The following INTS9 variants were observed in gnomAD, a reference collection of about 807,000 sequenced individuals.
INTS9 encodes protein related to CPSF subunits of 74 kDa.
In INTS9, 55 loss-of-function variants were observed where a neutral mutation model predicts 79.7. The observed-to-expected ratio is 0.69, with a 90% CI of 0.56 to 0.86. INTS9 has a LOEUF of 0.86. Among genes scored for constraint, INTS9 ranks in the 40% least tolerant of loss-of-function variants. The probability of loss-of-function intolerance (pLI) is 0.00; values close to 1 mark genes in which losing one functional copy is unlikely to be tolerated. For missense variants in INTS9, 721 were observed against 831.5 expected (o/e 0.87, Z 1.64); for synonymous variants, 319 against 325.2 (o/e 0.98, Z 0.20).
chr8:28,770,201 G>A (rs1280818975), intron 15 of INTS9, among the ~76,000 whole-genome samples, 175 bp from the exon 16 acceptor site: 1 of 152,224 alleles, frequency 6.6e-6, no homozygotes, highest in Non-Finnish European at 1.5e-5. Flanking sequence ...CCAGATCCAC[G>A]CGCTCTAATG....
chr8:28,782,718 C>A (rs2130904154), intron 11 of INTS9, among the ~76,000 whole-genome samples: 1 of 152,254 alleles, frequency 6.6e-6, no homozygotes, highest in South Asian at 2.1e-4. Flanking sequence ...AAGTTTGAGA[C>A]CAGGCTGGGC....
chr8:28,773,199 C>G (rs942549115), intron 14 of INTS9, among the ~76,000 whole-genome samples: 22 of 152,204 alleles, frequency 1.4e-4, no homozygotes, highest in Admixed American at 1.0e-3. Flanking sequence ...CGCAGTGGCT[C>G]ACGCCTGTAA....
At chr8:28,877,820 A>T (rs934788278) in intron 1 of INTS9, among the ~76,000 whole-genome samples, 10 of 152,216 alleles carry the variant, frequency 6.6e-5, no homozygotes, top group Non-Finnish European at 1.2e-4. Context: ...ATCATGAATG[A>T]TTTTTAAAAT....
intron 6 of INTS9, among the ~76,000 whole-genome samples, chr8:28,814,300 A>T (rs1045716385): frequency 6.8e-5 from 8 of 117,804 alleles, no homozygotes; most frequent in African/African-American, 2.2e-4. Context: ...ACACACACAC[A>T]CACACACACA....
At chr8:28,800,293 G>A (rs1004032674) in intron 8 of INTS9, among the ~76,000 whole-genome samples, 3 of 152,216 alleles carry the variant, frequency 2.0e-5, no homozygotes, top group African/African-American at 7.2e-5. Context: ...AAGGTGAGGG[G>A]AAGCATGCAG....
At chr8:28,788,688 A>T (rs1378486794) in intron 10 of INTS9, among the ~76,000 whole-genome samples, 1 of 152,200 alleles carries the variant, frequency 6.6e-6, no homozygotes, top group Admixed American at 6.5e-5. Context: ...CAAAGTGCTG[A>T]GATTACAGGC....
At chr8:28,820,053 C>T (rs1027198232) in intron 6 of INTS9, among the ~76,000 whole-genome samples, 8 of 152,214 alleles carry the variant, frequency 5.3e-5, no homozygotes, top group Non-Finnish European at 7.4e-5. Flanking sequence ...TGTCTCTGCA[C>T]GTAAGATGGG....
At chr8:28,885,145 G>A (rs1810116059) in intron 1 of INTS9, among the ~76,000 whole-genome samples, 1 of 152,194 alleles carries the variant, frequency 6.6e-6, no homozygotes, top group Non-Finnish European at 1.5e-5. Flanking sequence ...CAAGTTAAAA[G>A]TTTGAGCCAG....
At chr8:28,793,369 G>C (rs1804021963) in intron 10 of INTS9, among the ~76,000 whole-genome samples, 1 of 152,078 alleles carries the variant, frequency 6.6e-6, no homozygotes, top group Non-Finnish European at 1.5e-5. Context: ...TCAATTTTCT[G>C]ATGTAATAAA....
At chr8:28,831,634 C>T (rs924455289) in intron 6 of INTS9, among the ~76,000 whole-genome samples, 2 of 152,130 alleles carry the variant, frequency 1.3e-5, no homozygotes, top group African/African-American at 4.8e-5. Flanking sequence ...TCCAAGGTCA[C>T]AAGAGAAAAG....
At chr8:28,866,936 C>A (rs1236378041) in intron 1 of INTS9, among the ~76,000 whole-genome samples, 1 of 150,796 alleles carries the variant, frequency 6.6e-6, no homozygotes, top group Non-Finnish European at 1.5e-5. Flanking sequence ...GATCGCACCA[C>A]TGCACTCCAG....
rs567332027 is a variant in INTS9 at position 28,828,706 on chromosome 8, T to G, written c.488+6586A>C. Among the ~76,000 whole-genome samples the G allele has an allele frequency of 1.5e-4, 23 of 152,266 alleles. No homozygotes were observed. In the East Asian group the frequency reaches 4.2e-3, roughly 28 times the overall value. On this transcript the variant is annotated intron_variant, in intron 6 of 16. Transcript: ENST00000521022. ...TGAACATGCATGGTTTTAAGTCTTTTTTTTTTTTTGAGATGGAGTTTTGCT... is the reference window on the plus strand; with the variant it reads ...TGAACATGCATGGTTTTAAGTCTTTGTTTTTTTTTGAGATGGAGTTTTGCT...
intron 1 of INTS9, among the ~76,000 whole-genome samples, chr8:28,877,082 A>C (rs1431465410): frequency 2.0e-5 from 3 of 152,140 alleles, no homozygotes; most frequent in African/African-American, 7.2e-5. Flanking sequence ...GTGAACTAAT[A>C]ATTCTAAATT....
chr8:28,811,835 T>C (rs550875271), intron 8 of INTS9, among the ~76,000 whole-genome samples: 243 of 152,338 alleles, frequency 1.6e-3, no homozygotes, highest in African/African-American at 5.7e-3. Flanking sequence ...TTTACTGTTT[T>C]CAGTACTTGT....
chr8:28,775,006 G>T (rs1802783622), intron 14 of INTS9, among the ~76,000 whole-genome samples: 1 of 152,170 alleles, frequency 6.6e-6, no homozygotes, highest in Non-Finnish European at 1.5e-5. Flanking sequence ...CTGCAAGTAT[G>T]CTCAAGAGGA....
At position 28,840,248 on chromosome 8, in the gene INTS9, T is replaced by A. The variant is rs745404031; in HGVS notation, c.262-2472A>T. On this transcript the variant is annotated intron_variant, in intron 4 of 16. Transcript: ENST00000521022. ...AAATGAAAACCACAATGAGATACCA[T>A]CTCACACCAGTTAGAATGGCAATCA... Among the ~76,000 whole-genome samples, 1,269 of 151,654 alleles carry A rather than the reference T, an allele frequency of 8.4e-3. 6 individuals carry two copies. The highest frequency in any genetic ancestry group is 0.017 in the Middle Eastern group (5 of 292).
chr8:28,802,385 G>C lies in INTS9; in HGVS notation c.745-5730C>G, dbSNP rs138689647. The stretch of plus-strand genomic sequence containing the variant: ...TGTTAAGAACCACTGCTCGAAGGCA[G>C]ACATCCCCCTGTGGAATCCTTGCTT... On this transcript the variant is annotated intron_variant, in intron 8 of 16. Coordinates refer to ENST00000521022, the MANE Select transcript of INTS9 (RefSeq NM_018250.4). 1.1e-4 allele frequency among the ~76,000 whole-genome samples: 16 copies of C among 152,302 alleles called. No individual in the cohort carries two copies. The East Asian group carries it at 3.1e-3, about 29-fold the overall frequency.
Position 28,802,550 on chromosome 8 carries a change from T to C in INTS9, c.745-5895A>G, listed in dbSNP as rs541975636. On this transcript the variant is annotated intron_variant, in intron 8 of 16. Coordinates refer to ENST00000521022, the MANE Select transcript of INTS9 (RefSeq NM_018250.4). ...GACTGGCTGTGCTTGGTTTTCCAAA[T>C]TCATTCCAGAACAGAGACCAAGGTG... 5.3e-5 allele frequency among the ~76,000 whole-genome samples: 8 copies of C among 152,310 alleles called. No individual in the cohort carries two copies. In the South Asian group the frequency reaches 1.7e-3, roughly 32 times the overall value.
At chr8:28,865,908 T>C (rs1041250783) in intron 1 of INTS9, among the ~76,000 whole-genome samples, 5 of 152,154 alleles carry the variant, frequency 3.3e-5, no homozygotes, top group Non-Finnish European at 5.9e-5. Context: ...TGTGGTAATG[T>C]TTCATTTTAC....
Sources: allele counts gnomAD v4.1 joint callset (sites outside exome capture counted in the v4.1 genomes callset), GRCh38; gene constraint gnomAD v4.1.1; transcripts MANE v1.5; gene names NCBI Gene and HGNC (gene_info 2026-07-23, HGNC 2026-07-21).